TAB1: variants seen among roughly 807,000 people sequenced by gnomAD.
TAB1 encodes TGF-beta-activated kinase 1 and MAP3K7-binding protein 1.
A neutral mutation model predicts 54.5 loss-of-function variants in TAB1; 30 were observed. The observed-to-expected ratio is 0.55, with a 90% CI of 0.41 to 0.75. The LOEUF is 0.75. Ranked by LOEUF, TAB1 falls within the 30% of genes least tolerant of loss-of-function variation. TAB1 has a pLI of 0.00. For missense variants in TAB1, 609 were observed against 683.2 expected (o/e 0.89, Z 1.21); for synonymous variants, 289 against 286.9 (o/e 1.01, Z -0.07).
chr22:39,405,840 G>C (rs188023487), intron 1 of TAB1, among the ~76,000 whole-genome samples: 1 of 152,152 alleles, frequency 6.6e-6, no homozygotes, highest in African/African-American at 2.4e-5. Flanking sequence ...GGGGAACACG[G>C]AGAAGACCAG....
At position 39,417,865 on chromosome 22, in the gene TAB1, T is replaced by A; in HGVS notation, c.550+16T>A. The A allele has an allele frequency of 6.3e-7, 1 of 1,593,794 alleles. No homozygotes were observed. Among genetic ancestry groups the A allele is most frequent in the Non-Finnish European group, 8.5e-7 (1 of 1,170,300 alleles). On this transcript the variant is annotated intron_variant, in intron 5 of 10. Transcript: ENST00000216160. The stretch of plus-strand genomic sequence containing the variant: ...GCCAATGTCGGTGAGCCCCCTCCTG[T>A]CCCAGGGCAGGGAGGACTGGGGAGA...
At position 39,431,507 on chromosome 22, in the gene TAB1, C is replaced by G; in HGVS notation, c.*1285C>G. On this transcript the variant is annotated 3_prime_UTR_variant, in exon 11 of 11. Coordinates refer to ENST00000216160, the MANE Select transcript of TAB1 (RefSeq NM_006116.3). ...ATGCCCCAGACCGGCCCACCAGGGA[C>G]TAGCCGCTGTCGCACAGCCTCTGGG... The G allele has an allele frequency of 1.0e-6, 1 of 985,602 alleles. No homozygotes were observed. Among genetic ancestry groups the G allele is most frequent in the South Asian group, 4.7e-5 (1 of 21,294 alleles). The allele number at this position is 985,602 out of a possible 1,614,324, so 61.1% of individuals were successfully genotyped here.
rs779339853 is a variant in TAB1, at chr22:39,430,651, G to T, written c.*429G>T. ...CCCACCATCACCTCCCTCACCTCGGGACAGTAGCCCTCCACTTCTCCAGCC... is the reference window on the plus strand; with the variant it reads ...CCCACCATCACCTCCCTCACCTCGGTACAGTAGCCCTCCACTTCTCCAGCC... On this transcript the variant is annotated 3_prime_UTR_variant, in exon 11 of 11. Coordinates refer to ENST00000216160, the MANE Select transcript of TAB1 (RefSeq NM_006116.3). 35 of 1,078,840 alleles carry T rather than the reference G, an allele frequency of 3.2e-5. No individual in the cohort carries two copies. The highest frequency in any genetic ancestry group is 1.2e-4 in the South Asian group (4 of 33,994). The allele number at this position is 1,078,840 out of a possible 1,614,324, so 66.8% of individuals were successfully genotyped here.
rs912085023 is a variant in TAB1, at chr22:39,431,842, A to T, written c.*1620A>T. On this transcript the variant is annotated 3_prime_UTR_variant, in exon 11 of 11. Coordinates refer to ENST00000216160, the MANE Select transcript of TAB1 (RefSeq NM_006116.3). Reference sequence around the variant, plus strand: ...AACAGGGTCACTTTTTTAATGTAGTAAAGAAGTAATAAATGGTGGCATTAC... The same window carrying T: ...AACAGGGTCACTTTTTTAATGTAGTTAAGAAGTAATAAATGGTGGCATTAC... 1.0e-6 allele frequency: 1 copy of T among 985,322 alleles called. No homozygotes were observed. Among genetic ancestry groups the T allele is most frequent in the Non-Finnish European group, 1.2e-6 (1 of 829,924 alleles). The allele number at this position is 985,322 out of a possible 1,614,324, so 61.0% of individuals were successfully genotyped here.
At chr22:39,436,512 G>T (rs778423823), downstream of TAB1, 4 of 1,614,070 alleles carry the variant, frequency 2.5e-6, no homozygotes, top group Admixed American at 1.7e-5. Flanking sequence ...GCCTGCAAGC[G>T]ATTTGACAGC....
At chr22:39,401,026 CTG>C (rs1926114714) in intron 1 of TAB1, among the ~76,000 whole-genome samples, 1 of 120,056 alleles carries the variant, frequency 8.3e-6, no homozygotes, top group Admixed American at 1.0e-4. Flanking sequence ...CAGAGCGAGA[CTG>C]TGTCTCAAAA....
chr22:39,420,971 A>G (rs1927061409), intron 7 of TAB1, among the ~76,000 whole-genome samples: 1 of 144,168 alleles, frequency 6.9e-6, no homozygotes. Flanking sequence ...CGGAACACCC[A>G]GGTGCTGGTG....
chr22:39,431,318 G>T lies in TAB1; in HGVS notation c.*1096G>T. 1 of 985,622 alleles carries T rather than the reference G, an allele frequency of 1.0e-6. No individual in the cohort carries two copies. Among genetic ancestry groups the T allele is most frequent in the Non-Finnish European group, 1.2e-6 (1 of 830,072 alleles). 61.1% of individuals were successfully genotyped at this position (985,622 alleles called of 1,614,324 possible). A position where few individuals can be genotyped will look rare whatever the true frequency, so the allele number is the denominator to read the frequency against. The stretch of plus-strand genomic sequence containing the variant: ...GGGGTGCCACCAGGGCTGTCGGCCA[G>T]GATTGCCACTCCTGTTTCAGAGGAA... On this transcript the variant is annotated 3_prime_UTR_variant, in exon 11 of 11. Coordinates refer to ENST00000216160, the MANE Select transcript of TAB1 (RefSeq NM_006116.3).
intron 7 of TAB1, among the ~76,000 whole-genome samples, chr22:39,420,775 C>CTTG (rs1555950643): frequency 1.4e-5 from 1 of 71,812 alleles, no homozygotes; most frequent in Admixed American, 1.4e-4. Context: ...CACGGTGTCT[C>CTTG]TGTGTGTGTG....
chr22:39,416,033 G>T (rs1926819814), intron 3 of TAB1, among the ~76,000 whole-genome samples: 1 of 152,186 alleles, frequency 6.6e-6, no homozygotes, highest in Admixed American at 6.5e-5. Context: ...GGGCGTCCAG[G>T]AAGGACCTTG....
At chr22:39,399,920 GT>G in intron 1 of TAB1, 85 bp downstream of exon 1, 2 of 1,434,522 alleles carry the variant, frequency 1.4e-6, no homozygotes, top group Non-Finnish European at 1.9e-6. Flanking sequence ...CCTTCTCCGA[GT>G]TTGGACAGCC....
At chr22:39,422,146 C>T (rs931034615) in intron 8 of TAB1, among the ~76,000 whole-genome samples, 175 bp downstream of exon 8, 3 of 152,162 alleles carry the variant, frequency 2.0e-5, no homozygotes, top group Admixed American at 1.3e-4. Flanking sequence ...CACCCAAAAA[C>T]TTGACTCATT....
At chr22:39,403,055 C>A (rs183741885) in intron 1 of TAB1, among the ~76,000 whole-genome samples, 9 of 152,328 alleles carry the variant, frequency 5.9e-5, no homozygotes, top group African/African-American at 1.9e-4. Flanking sequence ...CTTGGTTGCC[C>A]GCTAACCAGA....
intron 10 of TAB1, chr22:39,429,491 T>G (rs1052180262): frequency 8.4e-5 from 48 of 571,596 alleles, no homozygotes; most frequent in Non-Finnish European, 1.0e-4. Context: ...CTTTCCATTT[T>G]TTTGAGACGG....
Position 39,416,897 on chromosome 22 carries a change from C to T in TAB1, c.411+20C>T, listed in dbSNP as rs377578530. The T allele has an allele frequency of 3.2e-4, 514 of 1,612,524 alleles. 1 individual carries two copies. The highest frequency in any genetic ancestry group is 3.9e-4 in the Non-Finnish European group (461 of 1,178,660). ...CCAGAGGTAATTTCCCCAGCCGACACCCAGGGGAGTCAAGTCCAGGCCCAG... is the reference window on the plus strand; with the variant it reads ...CCAGAGGTAATTTCCCCAGCCGACATCCAGGGGAGTCAAGTCCAGGCCCAG... On this transcript the variant is annotated intron_variant, in intron 4 of 10. Transcript: ENST00000216160.
chr22:39,400,755 G>A (rs1285515696), intron 1 of TAB1, among the ~76,000 whole-genome samples: 1 of 152,164 alleles, frequency 6.6e-6, no homozygotes, highest in Non-Finnish European at 1.5e-5. Context: ...AGTAAACTCC[G>A]CCGGGCGCGG....
rs756697876 is a variant in TAB1 at position 39,419,649 on chromosome 22, G to C, written c.776+19G>C. The C allele has an allele frequency of 2.6e-6, 4 of 1,566,406 alleles. No homozygotes were observed. Among genetic ancestry groups the C allele is most frequent in the Middle Eastern group, 1.8e-4 (1 of 5,700 alleles). On this transcript the variant is annotated intron_variant, in intron 7 of 10. Transcript: ENST00000216160. ...TTCTCAGGTAGGTGCCAGCCCAGCT[G>C]TCCCCTGTGCTTGAAAGAACAGAAG... is the stretch of plus-strand genomic sequence containing the variant.
chr22:39,427,103 T>A (rs1927384399), intron 9 of TAB1, among the ~76,000 whole-genome samples, 178 bp downstream of exon 9: 1 of 152,136 alleles, frequency 6.6e-6, no homozygotes, highest in Admixed American at 6.5e-5. Context: ...TTTTTGCTCT[T>A]TTGTCTGTAA....
At chr22:39,405,076 G>A (rs1926305179) in intron 1 of TAB1, among the ~76,000 whole-genome samples, 1 of 152,158 alleles carries the variant, frequency 6.6e-6, no homozygotes, top group Non-Finnish European at 1.5e-5. Flanking sequence ...AAAAACACTT[G>A]GCCTTTTCAT....
Sources: gnomAD v4.1 joint callset for allele counts (sites outside exome capture counted in the v4.1 genomes callset) on GRCh38, gnomAD v4.1.1 for gene constraint, MANE v1.5 for transcripts, NCBI Gene and HGNC (gene_info 2026-07-23, HGNC 2026-07-21) for gene names.